The following CACNA2D3 variants were observed in gnomAD, a reference collection of about 807,000 sequenced individuals.
CACNA2D3 encodes voltage-dependent calcium channel subunit alpha-2/delta-3.
Under a neutral mutation model 160.6 loss-of-function variants are expected in CACNA2D3, and 60 were observed. The ratio of observed to expected loss-of-function variants is 0.37; its 90% CI spans 0.30 to 0.46. The LOEUF (loss-of-function observed/expected upper bound fraction) is 0.46. Ranked by LOEUF, CACNA2D3 falls within the 20% of genes least tolerant of loss-of-function variation. The probability of loss-of-function intolerance (pLI) is 1.00; values close to 1 mark genes in which losing one functional copy is unlikely to be tolerated. For missense variants in CACNA2D3, 1,205 were observed against 1,365.0 expected (o/e 0.88, Z 1.85); for synonymous variants, 558 against 492.9 (o/e 1.13, Z -1.75).
chr3:54,150,088 C>A (rs1233914720), intron 2 of CACNA2D3, among the ~76,000 whole-genome samples: 1 of 151,224 alleles, frequency 6.6e-6, no homozygotes, highest in African/African-American at 2.4e-5. Context: ...CAGATTTGAC[C>A]TTCTCTGGGG....
chr3:54,632,900 G>T (rs773885041), intron 10 of CACNA2D3: 2 of 152,228 alleles, frequency 1.3e-5, no homozygotes, highest in East Asian at 3.9e-4. Context: ...CAGTAGAATA[G>T]TGGTCGCGTG....
intron 2 of CACNA2D3, among the ~76,000 whole-genome samples, chr3:54,318,416 C>CA (rs1703916622): frequency 6.6e-6 from 1 of 152,098 alleles, no homozygotes; most frequent in African/African-American, 2.4e-5. Flanking sequence ...AACTCATGAT[C>CA]AATTATAGGA....
intron 11 of CACNA2D3, among the ~76,000 whole-genome samples, chr3:54,748,230 C>T (rs1365123558): frequency 6.6e-6 from 1 of 152,196 alleles, no homozygotes; most frequent in East Asian, 1.9e-4. Flanking sequence ...CCACTTCCTT[C>T]CCCTAATTTT....
chr3:55,040,591 G>A (rs962350835), intron 35 of CACNA2D3, among the ~76,000 whole-genome samples: 7 of 145,010 alleles, frequency 4.8e-5, no homozygotes, highest in Non-Finnish European at 7.6e-5. Flanking sequence ...AGGCTAAAGC[G>A]GGAGGATCAC....
chr3:55,058,468 G>A (rs1444650608), intron 35 of CACNA2D3, among the ~76,000 whole-genome samples: 2 of 152,060 alleles, frequency 1.3e-5, no homozygotes, highest in African/African-American at 4.8e-5. Flanking sequence ...GTACATAGAA[G>A]AGGACAGCAA....
intron 2 of CACNA2D3, among the ~76,000 whole-genome samples, chr3:54,245,355 G>A (rs1202104097): frequency 3.3e-5 from 5 of 152,076 alleles, no homozygotes; most frequent in African/African-American, 9.6e-5. Context: ...GAGAGTGCGA[G>A]AGAATGAGAA....
chr3:54,978,002 G>A (rs887149068), intron 29 of CACNA2D3, among the ~76,000 whole-genome samples: 12 of 152,214 alleles, frequency 7.9e-5, no homozygotes, highest in South Asian at 4.1e-4. Context: ...TCTTCCTGAC[G>A]TTGCCATGGC....
In CACNA2D3 at chr3:54,642,187, G is replaced by T. The variant is rs373849344; in HGVS notation, c.1113G>T (p.Gly371=). ...AGGCCATCATGCTCATAACTGATGG[G>T]GCGGTGGACACCTATGATACAATCT... is the stretch of plus-strand genomic sequence containing the variant. ...CSQAIMLITD[G]AVDTYDTIFA... is the part of the protein sequence containing the mutation. Residue 371 remains glycine, a synonymous_variant, in exon 11 of 38, where the codon GGG becomes GGT. Coordinates refer to ENST00000474759, the MANE Select transcript of CACNA2D3 (RefSeq NM_018398.3). 181 of 1,613,340 alleles carry T rather than the reference G, an allele frequency of 1.1e-4. No individual in the cohort carries two copies. The highest frequency in any genetic ancestry group is 8.3e-4 in the Middle Eastern group (5 of 6,060).
Position 54,154,805 on chromosome 3 carries a change from C to CA in CACNA2D3, c.204+31220dup, listed in dbSNP as rs573354634. Among the ~76,000 whole-genome samples the CA allele has an allele frequency of 9.3e-5, 14 of 151,160 alleles. No individual in the cohort carries two copies. The Middle Eastern group carries it at 0.01, about 111-fold the overall frequency. ...AGATGTACGATTCTGTTCCGTCAAA[C>CA]AAAAAAAAACCTGCCAGCTGCGATT... On this transcript the variant is annotated intron_variant, in intron 2 of 37. Coordinates refer to ENST00000474759, the MANE Select transcript of CACNA2D3 (RefSeq NM_018398.3).
intron 3 of CACNA2D3, among the ~76,000 whole-genome samples, chr3:54,385,363 C>T (rs868165401): frequency 9.9e-5 from 15 of 152,088 alleles, no homozygotes; most frequent in African/African-American, 2.7e-4. Flanking sequence ...AAGGGTCCTG[C>T]GCAAGATTTC....
intron 2 of CACNA2D3, among the ~76,000 whole-genome samples, chr3:54,179,063 G>T (rs1018174397): frequency 1.3e-5 from 2 of 152,156 alleles, no homozygotes; most frequent in Admixed American, 6.5e-5. Context: ...GAGGAGAGGG[G>T]TTAGTAGTGG....
At chr3:54,658,525 A>G (rs933108481) in intron 11 of CACNA2D3, among the ~76,000 whole-genome samples, 1 of 152,134 alleles carries the variant, frequency 6.6e-6, no homozygotes, top group African/African-American at 2.4e-5. Flanking sequence ...AAATCAGGTT[A>G]TTTGTTTGCT....
In CACNA2D3 at chr3:54,197,910, G is replaced by T. The variant is rs1701110319; in HGVS notation, c.204+74316G>T. On this transcript the variant is annotated intron_variant, in intron 2 of 37. Coordinates refer to ENST00000474759, the MANE Select transcript of CACNA2D3 (RefSeq NM_018398.3). ...TGAAGTTAAAAGTTTCTAGCTTTGG[G>T]GTGTTAGAGACCACTTGGGAGCTGC... Among the ~76,000 whole-genome samples the T allele has an allele frequency of 2.0e-5, 3 of 152,156 alleles. No homozygotes were observed. The South Asian group carries it at 6.2e-4, about 32-fold the overall frequency.
intron 11 of CACNA2D3, among the ~76,000 whole-genome samples, chr3:54,689,361 G>C (rs560336183): frequency 6.6e-6 from 1 of 152,216 alleles, no homozygotes; most frequent in East Asian, 1.9e-4. Context: ...CCCAGGGATG[G>C]TGTGATCTGG....
At chr3:54,697,513 C>T (rs536302622) in intron 11 of CACNA2D3, among the ~76,000 whole-genome samples, 17 of 152,118 alleles carry the variant, frequency 1.1e-4, no homozygotes, top group Non-Finnish European at 2.2e-4. Flanking sequence ...CCTATCTGAC[C>T]ATTTTGATGG....
chr3:54,742,307 A>G (rs900077285), intron 11 of CACNA2D3, among the ~76,000 whole-genome samples: 5 of 152,152 alleles, frequency 3.3e-5, no homozygotes, highest in African/African-American at 1.2e-4. Flanking sequence ...AGTCCCAGCT[A>G]CTTGGGAGGC....
At chr3:54,516,373 G>GGTAT (rs777725097) in intron 5 of CACNA2D3, among the ~76,000 whole-genome samples, 3 of 152,086 alleles carry the variant, frequency 2.0e-5, no homozygotes, top group Non-Finnish European at 2.9e-5. Flanking sequence ...AAGTGACAGA[G>GGTAT]GTATTTCTGT....
intron 13 of CACNA2D3, among the ~76,000 whole-genome samples, chr3:54,780,717 G>T (rs917773473): frequency 2.6e-5 from 4 of 152,180 alleles, no homozygotes; most frequent in African/African-American, 9.7e-5. Flanking sequence ...TTCCCAGAAA[G>T]CCTGATATCT....
intron 11 of CACNA2D3, among the ~76,000 whole-genome samples, chr3:54,689,583 G>A (rs139978851): frequency 1.3e-5 from 2 of 152,204 alleles, no homozygotes; most frequent in Admixed American, 6.5e-5. Context: ...GCCACCCCCA[G>A]TGTGTTCGAG....
Sources: gnomAD v4.1 joint callset for allele counts (sites outside exome capture counted in the v4.1 genomes callset) on GRCh38, gnomAD v4.1.1 for gene constraint, MANE v1.5 for transcripts, NCBI Gene and HGNC (gene_info 2026-07-23, HGNC 2026-07-21) for gene names.